The following MMP7 variants were observed in gnomAD, a reference collection of about 807,000 sequenced individuals.
MMP7 encodes the protein matrilysin.
A neutral mutation model predicts 31.5 loss-of-function variants in MMP7; 26 were observed. The ratio of observed to expected loss-of-function variants is 0.83; its 90% CI spans 0.61 to 1.15. The LOEUF is 1.15. Among genes scored for constraint, MMP7 ranks in the 50% most tolerant of loss-of-function variants. The pLI is 0.00. For missense variants in MMP7, 367 were observed against 326.5 expected (o/e 1.12, Z -0.96); for synonymous variants, 142 against 124.2 (o/e 1.14, Z -0.95).
At chr11:102,526,174 T>C (rs1175024037) in intron 3 of MMP7, among the ~76,000 whole-genome samples, 1 of 148,918 alleles carries the variant, frequency 6.7e-6, no homozygotes, top group Admixed American at 6.7e-5. Context: ...ATATAACACA[T>C]ATACTAAAAA....
intron 5 of MMP7, 26 bp downstream of exon 5, chr11:102,523,214 C>T (rs1858632227): frequency 6.5e-7 from 1 of 1,542,600 alleles, no homozygotes. Context: ...ATGGGAAATC[C>T]TCTTATTTGA....
chr11:102,526,225 A>T (rs58887946), intron 3 of MMP7, among the ~76,000 whole-genome samples: 50,159 of 127,798 alleles, frequency 0.39, 10,243 homozygotes, highest in African/African-American at 0.52. Context: ...AAAAAAAAAA[A>T]ATATATATAT....
Position 102,524,957 on chromosome 11 carries a change from A to G in MMP7, c.592T>C (p.Trp198Arg), listed in dbSNP as rs1487891536. The G allele has an allele frequency of 1.9e-6, 3 of 1,614,058 alleles. No individual in the cohort carries two copies. The highest frequency in any genetic ancestry group is 2.5e-6 in the Non-Finnish European group (3 of 1,179,962). The change falls in exon 4 of 6, where the codon TGG becomes CGG. Residue 198 changes from tryptophan to arginine, a missense_variant. Physicochemically the swap from Trp to Arg is moderately radical, Grantham distance 101. Coordinates refer to ENST00000260227, the MANE Select transcript of MMP7 (RefSeq NM_002423.5). ...GDAHFDEDERWTDGSSLGINF... is the reference protein window; with the variant it reads ...GDAHFDEDERRTDGSSLGINF... ...ATACCTAGACTGCTACCATCCGTCC[A>G]GCGTTCATCCTCATCGAAGTGAGCA...
chr11:102,527,026 A>C (rs912064786), intron 3 of MMP7: 9 of 170,930 alleles, frequency 5.3e-5, no homozygotes, highest in Admixed American at 4.5e-4. Context: ...AGTGTATTCT[A>C]TGATGTTAGC....
chr11:102,523,399 T>A lies in MMP7; in HGVS notation c.616A>T (p.Ile206Phe), dbSNP rs1858635580. ...ERWTDGSSLG[I>F]NFLYAATHEL... ...TGAGTTGCAGCATACAGGAAGTTAA[T>A]CCCTACAACCGAAGAAGTGACAAAC... The change falls in exon 5 of 6, where the codon ATT becomes TTT. Residue 206 changes from isoleucine (I) to phenylalanine (F), a missense_variant and splice_region_variant. Physicochemically the swap from Ile to Phe is conservative, Grantham distance 21. Coordinates refer to ENST00000260227, the MANE Select transcript of MMP7 (RefSeq NM_002423.5). 1 of 1,589,512 alleles carries A rather than the reference T, an allele frequency of 6.3e-7. No individual in the cohort carries two copies. The highest frequency in any genetic ancestry group is 8.6e-7 in the Non-Finnish European group (1 of 1,167,914).
At chr11:102,525,549 G>A (rs1444790571) in intron 3 of MMP7, among the ~76,000 whole-genome samples, 1 of 151,810 alleles carries the variant, frequency 6.6e-6, no homozygotes, top group South Asian at 2.1e-4. Flanking sequence ...TCTTGGCCCA[G>A]ACACTTTTCC....
intron 5 of MMP7, among the ~76,000 whole-genome samples, chr11:102,522,830 G>A (rs1183239584): frequency 6.6e-6 from 1 of 152,208 alleles, no homozygotes; most frequent in Non-Finnish European, 1.5e-5. Flanking sequence ...CAAACAGGAA[G>A]AGCAGGGTCA....
At chr11:102,523,760 T>C (rs1858639095) in intron 4 of MMP7, among the ~76,000 whole-genome samples, 1 of 152,206 alleles carries the variant, frequency 6.6e-6, no homozygotes. Context: ...TCTGGACAGA[T>C]TAATTGATGT....
At chr11:102,523,602 A>T (rs1858637571) in intron 4 of MMP7, among the ~76,000 whole-genome samples, 2 of 152,204 alleles carry the variant, frequency 1.3e-5, no homozygotes, top group Admixed American at 6.5e-5. Context: ...CTTTAATCTC[A>T]TCACTACTTC....
intron 1 of MMP7, among the ~76,000 whole-genome samples, chr11:102,529,418 T>C (rs186109070): frequency 7.9e-5 from 12 of 152,288 alleles, no homozygotes; most frequent in Admixed American, 7.8e-4. Flanking sequence ...TTGTTAAACC[T>C]AGCTAACATC....
At chr11:102,527,239 G>A (rs1858681823) in intron 3 of MMP7, 1 of 409,590 alleles carries the variant, frequency 2.4e-6, no homozygotes, top group Non-Finnish European at 4.5e-6. Context: ...AGGTAATAGG[G>A]AAATGAAGGA....
chr11:102,526,236 ATATATTT>A (rs1162964470), intron 3 of MMP7, among the ~76,000 whole-genome samples: 2 of 131,924 alleles, frequency 1.5e-5, no homozygotes, highest in Non-Finnish European at 3.1e-5. Context: ...ATATATATAT[ATATATTT>A]TTTTTTTTTC....
chr11:102,525,566 A>G (rs1021256286), intron 3 of MMP7, among the ~76,000 whole-genome samples: 1 of 152,152 alleles, frequency 6.6e-6, no homozygotes, highest in Non-Finnish European at 1.5e-5. Context: ...TTCCTTTCAC[A>G]GAACCATTGC....
Position 102,522,594 on chromosome 11 carries a change from A to G in MMP7, c.775+646T>C, listed in dbSNP as rs147508420. 3.3e-5 allele frequency among the ~76,000 whole-genome samples: 5 copies of G among 152,294 alleles called. No individual in the cohort carries two copies. The East Asian group carries it at 9.6e-4, about 29-fold the overall frequency. On this transcript the variant is annotated intron_variant, in intron 5 of 5. Coordinates refer to ENST00000260227, the MANE Select transcript of MMP7 (RefSeq NM_002423.5). ...TTTGAATCTTACTTTCCTTATCTTT[A>G]TCCAGAGACAGAGCTTTTTATTCTT...
In MMP7 at chr11:102,527,815, C is replaced by G. The variant is rs778676643; in HGVS notation, c.277G>C (p.Ala93Pro). ...QKPRCGVPDV[A>P]EYSLFPNSPK... ...CTATTTGGAAATAGTGAGTATTCTGCAACATCTGGCACTCCACATCTGGGC... is the reference window on the plus strand; with the variant it reads ...CTATTTGGAAATAGTGAGTATTCTGGAACATCTGGCACTCCACATCTGGGC... The change falls in exon 2 of 6, where the codon GCA becomes CCA. Residue 93 changes from alanine (A) to proline (P), a missense_variant. Ala to Pro is a conservative substitution (Grantham distance 27). Transcript: ENST00000260227. The G allele has an allele frequency of 1.2e-6, 2 of 1,614,054 alleles. No individual in the cohort carries two copies. The highest frequency in any genetic ancestry group is 1.7e-6 in the Non-Finnish European group (2 of 1,180,026).
chr11:102,524,909 G>A (rs754723386), intron 4 of MMP7, 27 bp downstream of exon 4: 1 of 1,601,288 alleles, frequency 6.2e-7, no homozygotes, highest in African/African-American at 1.3e-5. Context: ...AACGGATGTG[G>A]AGTAGAAGAG....
Position 102,530,629 on chromosome 11 carries a change from C to A in MMP7, c.72G>T (p.Ala24=), listed in dbSNP as rs767207306. ...GSLALPLPQE[A]GGMSELQWEQ... is the part of the protein sequence containing the mutation. ...CCCACTGTAGCTCACTCATGCCTCC[C>A]GCCTCCTGAGGCAGCGGCAGGGCCA... Residue 24 remains alanine (A), a synonymous_variant, in exon 1 of 6, where the codon GCG becomes GCT. Coordinates refer to ENST00000260227, the MANE Select transcript of MMP7 (RefSeq NM_002423.5). The A allele has an allele frequency of 3.7e-6, 6 of 1,613,874 alleles. No individual in the cohort carries two copies. Among genetic ancestry groups the A allele is most frequent in the South Asian group, 1.1e-5 (1 of 91,052 alleles).
intron 5 of MMP7, among the ~76,000 whole-genome samples, chr11:102,521,017 G>T (rs1355247971): frequency 6.6e-6 from 1 of 152,102 alleles, no homozygotes; most frequent in African/African-American, 2.4e-5. Flanking sequence ...AGGTACCTTT[G>T]CATCTTGTTT....
intron 3 of MMP7, among the ~76,000 whole-genome samples, chr11:102,526,224 A>AG (rs1298747093): frequency 5.5e-5 from 2 of 36,148 alleles, no homozygotes; most frequent in Admixed American, 4.6e-4. Flanking sequence ...TAAAAAAAAA[A>AG]AATATATATA....
Sources: allele counts gnomAD v4.1 joint callset (sites outside exome capture counted in the v4.1 genomes callset), GRCh38; gene constraint gnomAD v4.1.1; transcripts MANE v1.5; gene names NCBI Gene and HGNC (gene_info 2026-07-23, HGNC 2026-07-21).